The following PRKD1 variants were observed in gnomAD, a reference collection of about 807,000 sequenced individuals.
PRKD1 encodes the protein protein kinase D1.
In PRKD1, 63 loss-of-function variants were observed where a neutral mutation model predicts 95.9. The observed-to-expected ratio is 0.66, with a 90% CI of 0.54 to 0.81. The LOEUF is 0.81. Ranked by LOEUF, PRKD1 falls within the 30% of genes least tolerant of loss-of-function variation. The pLI is 0.00. For synonymous variants in PRKD1, 425 were observed against 423.1 expected (o/e 1.00, Z -0.05); for missense variants, 1,048 against 1,165.3 (o/e 0.90, Z 1.47).
At chr14:29,830,151 C>T (rs971626581) in intron 1 of PRKD1, among the ~76,000 whole-genome samples, 4 of 152,230 alleles carry the variant, frequency 2.6e-5, no homozygotes, top group South Asian at 2.1e-4. Flanking sequence ...GCACATTGTT[C>T]GAGCATCTGG....
chr14:29,634,151 T>G (rs917514451), intron 8 of PRKD1, among the ~76,000 whole-genome samples: 1 of 152,238 alleles, frequency 6.6e-6, no homozygotes, highest in African/African-American at 2.4e-5. Flanking sequence ...CCACAAGTGC[T>G]ATAAAATGGC....
At chr14:29,778,348 G>C (rs909619906) in intron 1 of PRKD1, among the ~76,000 whole-genome samples, 6 of 152,096 alleles carry the variant, frequency 3.9e-5, no homozygotes, top group Non-Finnish European at 7.3e-5. Context: ...GAATCCAGGA[G>C]CTGGTTTTTT....
At position 29,639,676 on chromosome 14, in the gene PRKD1, A is replaced by G. The variant is rs45528832; in HGVS notation, c.697-772T>C. Among the ~76,000 whole-genome samples the G allele has an allele frequency of 4.9e-3, 746 of 151,994 alleles. 25 individuals carry two copies. The highest frequency in any genetic ancestry group is 0.044 in the Admixed American group (677 of 15,274). On this transcript the variant is annotated intron_variant, in intron 4 of 17. Transcript: ENST00000331968. ...AAAGAAAAAGAAAGAAAGAAAGAAA[A>G]AAATGCCTTACAGTTCCTTTGGATT...
intron 1 of PRKD1, among the ~76,000 whole-genome samples, chr14:29,764,425 A>C (rs917173069): frequency 6.6e-6 from 1 of 152,218 alleles, no homozygotes; most frequent in African/African-American, 2.4e-5. Context: ...ACACCTCTCT[A>C]TGATTCAATT....
At chr14:29,660,402 G>A (rs961413819) in intron 4 of PRKD1, among the ~76,000 whole-genome samples, 1 of 152,180 alleles carries the variant, frequency 6.6e-6, no homozygotes. Context: ...CAGCACTATT[G>A]ACATTTTGGG....
At chr14:29,844,685 T>A (rs1042413366) in intron 1 of PRKD1, among the ~76,000 whole-genome samples, 1 of 152,158 alleles carries the variant, frequency 6.6e-6, no homozygotes, top group Non-Finnish European at 1.5e-5. Context: ...GGATAACAGA[T>A]GATCGATAAC....
intron 13 of PRKD1, among the ~76,000 whole-genome samples, chr14:29,615,021 A>G (rs1878760293): frequency 6.6e-6 from 1 of 151,976 alleles, no homozygotes; most frequent in South Asian, 2.1e-4. Flanking sequence ...CAATATACAC[A>G]TATTTTTATT....
chr14:29,743,128 GC>G lies in PRKD1; in HGVS notation c.265-17455del, dbSNP rs540326787. On this transcript the variant is annotated intron_variant, in intron 1 of 17. Transcript: ENST00000331968. ...AAGATATTTTGAGAGGAGTTTCTTTGCCTTTAAAAAAGGGCAGAACAAACTT... is the reference window on the plus strand; with the variant it reads ...AAGATATTTTGAGAGGAGTTTCTTTGCTTTAAAAAAGGGCAGAACAAACTT... Among the ~76,000 whole-genome samples the G allele has an allele frequency of 1.7e-4, 26 of 152,244 alleles. No homozygotes were observed. In the South Asian group the frequency reaches 5.4e-3, roughly 32 times the overall value.
intron 9 of PRKD1, among the ~76,000 whole-genome samples, chr14:29,632,166 G>A (rs752387291): frequency 6.6e-6 from 1 of 152,168 alleles, no homozygotes; most frequent in Non-Finnish European, 1.5e-5. Flanking sequence ...CTTCCAGGAA[G>A]TATGCAGGGG....
In PRKD1 at chr14:29,666,069, T is replaced by C; in HGVS notation, c.535+8A>G. 1.3e-6 allele frequency: 2 copies of C among 1,579,020 alleles called. No individual in the cohort carries two copies. Among genetic ancestry groups the C allele is most frequent in the East Asian group, 2.3e-5 (1 of 44,288 alleles). On this transcript the variant is annotated splice_region_variant and intron_variant, in intron 3 of 17. Transcript: ENST00000331968. ...ACATTTAACTTGCATGGGAAGAAAATAACTTACCTTCACATTTAAGACCTT... is the reference window on the plus strand; with the variant it reads ...ACATTTAACTTGCATGGGAAGAAAACAACTTACCTTCACATTTAAGACCTT...
intron 1 of PRKD1, among the ~76,000 whole-genome samples, chr14:29,732,744 T>C (rs983701401): frequency 6.6e-6 from 1 of 152,134 alleles, no homozygotes; most frequent in Admixed American, 6.5e-5. Flanking sequence ...ATGTTAATGT[T>C]TTTAGCTCTT....
intron 1 of PRKD1, among the ~76,000 whole-genome samples, chr14:29,825,246 T>C (rs1333101387): frequency 6.6e-6 from 1 of 152,040 alleles, no homozygotes; most frequent in Admixed American, 6.6e-5. Flanking sequence ...AAGGGCAAAA[T>C]AATGTATAAA....
At chr14:29,723,670 CGTGT>C (rs58797570) in intron 2 of PRKD1, among the ~76,000 whole-genome samples, 23,721 of 149,572 alleles carry the variant, frequency 0.16, 2,066 homozygotes, top group South Asian at 0.23. Context: ...ATTGAGTGTG[CGTGT>C]GTGTGTGTGT....
chr14:29,784,607 C>G (rs762773255), intron 1 of PRKD1, among the ~76,000 whole-genome samples: 2 of 152,112 alleles, frequency 1.3e-5, no homozygotes, highest in African/African-American at 2.4e-5. Flanking sequence ...AGGGCTTTCA[C>G]TTCGAGATCT....
intron 4 of PRKD1, chr14:29,656,374 C>A: frequency 1.6e-6 from 2 of 1,245,350 alleles, no homozygotes; most frequent in Non-Finnish European, 2.3e-6. Context: ...CCTGATTATT[C>A]TCATAAAGTC....
chr14:29,892,187 C>A (rs1320623300), intron 1 of PRKD1, among the ~76,000 whole-genome samples: 1 of 152,140 alleles, frequency 6.6e-6, no homozygotes, highest in Non-Finnish European at 1.5e-5. Flanking sequence ...CATTTTAGCA[C>A]CCATGTATGT....
At chr14:29,833,405 T>C (rs1891491630) in intron 1 of PRKD1, among the ~76,000 whole-genome samples, 1 of 152,122 alleles carries the variant, frequency 6.6e-6, no homozygotes, top group Non-Finnish European at 1.5e-5. Flanking sequence ...ATACAGTCTA[T>C]TCTTAAAAGA....
intron 16 of PRKD1, among the ~76,000 whole-genome samples, chr14:29,589,042 G>A (rs1484269227): frequency 2.0e-5 from 3 of 151,958 alleles, no homozygotes; most frequent in African/African-American, 7.2e-5. Context: ...CTGCCTCTGT[G>A]TTGATTACTG....
At position 29,576,550 on chromosome 14, in the gene PRKD1, T is replaced by C. The variant is rs1170326965; in HGVS notation, c.*688A>G. On this transcript the variant is annotated 3_prime_UTR_variant, in exon 18 of 18. Coordinates refer to ENST00000331968, the MANE Select transcript of PRKD1 (RefSeq NM_002742.3). ...AGGTTGCTGAGCAGCTGATTTTCCA[T>C]AGTACAACAGAGTATTATAAGAAAG... 1 of 152,726 alleles carries C rather than the reference T, an allele frequency of 6.5e-6. No homozygotes were observed. Among genetic ancestry groups the C allele is most frequent in the Non-Finnish European group, 1.5e-5 (1 of 68,142 alleles). The allele number at this position is 152,726 out of a possible 1,614,324, so 9.5% of individuals were successfully genotyped here.
Sources: allele counts gnomAD v4.1 joint callset (sites outside exome capture counted in the v4.1 genomes callset), GRCh38; gene constraint gnomAD v4.1.1; transcripts MANE v1.5; gene names NCBI Gene and HGNC (gene_info 2026-07-23, HGNC 2026-07-21).